Variants in KIAA1217 observed in about 807,000 individuals in gnomAD.
The protein encoded by KIAA1217 is sickle tail protein homolog.
Under a neutral mutation model 163.9 loss-of-function variants are expected in KIAA1217, and 88 were observed. That is an observed-to-expected ratio of 0.54 (90% CI 0.45 to 0.64). KIAA1217 has a LOEUF of 0.64. Among genes scored for constraint, KIAA1217 ranks in the 30% least tolerant of loss-of-function variants. The pLI is 0.00. For synonymous variants in KIAA1217, 903 were observed against 923.1 expected, an observed-to-expected ratio of 0.98 and a Z score of 0.39; for missense variants, 2,372 against 2,475.0, an observed-to-expected ratio of 0.96 and a Z score of 0.88.
intron 1 of KIAA1217, among the ~76,000 whole-genome samples, chr10:23,737,930 A>G (rs1372974151): frequency 1.3e-5 from 2 of 152,030 alleles, no homozygotes; most frequent in African/African-American, 4.8e-5. Flanking sequence ...TGGCAAATTT[A>G]TAAGACTTTT....
chr10:24,208,231 A>C (rs1271285371), upstream of KIAA1217, among the ~76,000 whole-genome samples: 1 of 152,004 alleles, frequency 6.6e-6, no homozygotes, highest in Non-Finnish European at 1.5e-5. Context: ...AGGTGGTTTA[A>C]AAGGAGAAGT....
At chr10:23,778,843 A>C (rs1273566691) in intron 1 of KIAA1217, among the ~76,000 whole-genome samples, 4 of 152,196 alleles carry the variant, frequency 2.6e-5, no homozygotes, top group African/African-American at 9.7e-5. Flanking sequence ...GAGTCAATGT[A>C]ACATTTTTAT....
At chr10:24,233,759 C>T (rs1433029230) in intron 2 of KIAA1217, among the ~76,000 whole-genome samples, 1 of 152,202 alleles carries the variant, frequency 6.6e-6, no homozygotes, top group Non-Finnish European at 1.5e-5. Context: ...ATTCTATGCA[C>T]ATACATACGC....
chr10:23,857,699 G>C (rs757048836), intron 1 of KIAA1217, among the ~76,000 whole-genome samples: 2 of 152,074 alleles, frequency 1.3e-5, no homozygotes, highest in Non-Finnish European at 2.9e-5. Context: ...AAGAATTTCT[G>C]TGAGTGGAGT....
At chr10:24,223,219 A>G (rs1232502000) in intron 2 of KIAA1217, among the ~76,000 whole-genome samples, 1 of 152,068 alleles carries the variant, frequency 6.6e-6, no homozygotes, top group African/African-American at 2.4e-5. Flanking sequence ...CATTTTACCT[A>G]GCTCCTATTT....
rs779603033 is a variant in KIAA1217, at chr10:24,544,308, A to G, written c.5038A>G (p.Ile1680Val). 6.2e-7 allele frequency: 1 copy of G among 1,614,094 alleles called. No individual in the cohort carries two copies. The highest frequency in any genetic ancestry group is 1.1e-5 in the South Asian group (1 of 91,074). The change falls in exon 19 of 21, where the codon ATC becomes GTC. Residue 1680 changes from isoleucine (I) to valine (V), a missense_variant. This residue lies in a region of KIAA1217 where 690 missense variants were observed against 677.5 expected (regional missense o/e 1.02). Coordinates refer to ENST00000376454, the MANE Select transcript of KIAA1217 (RefSeq NM_019590.5). Reference sequence around the variant, plus strand: ...GACCATTAAACAGCTCGAAAATACAATCAGTGAAATGAGTCCCAAAGCCCT... The same window carrying G: ...GACCATTAAACAGCTCGAAAATACAGTCAGTGAAATGAGTCCCAAAGCCCT... ...EQTIKQLENT[I>V]SEMSPKALVD... is the part of the protein sequence containing the mutation.
In KIAA1217 at chr10:24,209,139, G is replaced by A; in HGVS notation, c.-55G>A. The A allele has an allele frequency of 6.4e-7, 1 of 1,560,418 alleles. No individual in the cohort carries two copies. Among genetic ancestry groups the A allele is most frequent in the Non-Finnish European group, 8.8e-7 (1 of 1,132,974 alleles). On this transcript the variant is annotated 5_prime_UTR_variant, in exon 1 of 21. Transcript: ENST00000376454. ...CCCAGGCGCTTTCTGGGAGCTTTTA[G>A]AACTGCGCTCTGAAGTTTCCAGAGA... is the stretch of plus-strand genomic sequence containing the variant.
chr10:24,064,589 G>C (rs2060863282), intron 2 of KIAA1217, among the ~76,000 whole-genome samples: 1 of 152,046 alleles, frequency 6.6e-6, no homozygotes. Context: ...CAAGGATATT[G>C]GTCTAAAACT....
intron 1 of KIAA1217, among the ~76,000 whole-genome samples, chr10:23,857,351 G>A (rs1020586699): frequency 2.0e-5 from 3 of 152,130 alleles, no homozygotes; most frequent in Admixed American, 2.0e-4. Flanking sequence ...TTGTTCATTA[G>A]AGAGAAAAAG....
rs577558386 is a variant in KIAA1217 at position 23,757,410 on chromosome 10, A to C, written c.-321+62176A>C. Among the ~76,000 whole-genome samples the C allele has an allele frequency of 3.4e-4, 52 of 152,226 alleles. No homozygotes were observed. The South Asian group carries it at 5.4e-3, about 16-fold the overall frequency. ...ATTTTTTATATTTTGTTCTTAATTA[A>C]AAAAAATTATAGCAGCCATCCTTAT... On this transcript the variant is annotated intron_variant, in intron 1 of 18. Coordinates refer to the KIAA1217 transcript ENST00000376462.
At chr10:23,858,577 A>G (rs1221544979) in intron 1 of KIAA1217, among the ~76,000 whole-genome samples, 3 of 152,076 alleles carry the variant, frequency 2.0e-5, no homozygotes, top group Non-Finnish European at 4.4e-5. Context: ...TTTGAAAAAA[A>G]CAACTTGAAT....
chr10:24,527,137 G>A (rs1165791350), intron 13 of KIAA1217, among the ~76,000 whole-genome samples: 1 of 151,882 alleles, frequency 6.6e-6, no homozygotes, highest in Non-Finnish European at 1.5e-5. Context: ...GAGTTTACAG[G>A]TCATCTAAAT....
intron 3 of KIAA1217, among the ~76,000 whole-genome samples, chr10:24,426,848 T>A (rs1249283044): frequency 6.6e-6 from 1 of 152,156 alleles, no homozygotes; most frequent in Non-Finnish European, 1.5e-5. Flanking sequence ...TGCGGTGCCC[T>A]AGCAAAGTGG....
rs1564422730 is a variant in KIAA1217 at position 23,790,320 on chromosome 10, C to CACATATGCATATATGCATATAT, written c.-321+95115_-321+95136dup. Among the ~76,000 whole-genome samples the CACATATGCATATATGCATATAT allele has an allele frequency of 1.1e-3, 11 of 9,980 alleles. 1 individual carries two copies. Among genetic ancestry groups the CACATATGCATATATGCATATAT allele is most frequent in the Non-Finnish European group, 2.2e-3 (7 of 3,222 alleles). The allele number at this position is 9,980 out of a possible 152,430, so 6.5% of individuals were successfully genotyped here. On this transcript the variant is annotated intron_variant, in intron 1 of 18. Transcript: ENST00000376462. ...ATGCACATATGCATATATACATATGCACATATGCATATATGCATATATACA... is the reference window on the plus strand; with the variant it reads ...ATGCACATATGCATATATACATATGCACATATGCATATATGCATATATACATATGCATATATGCATATATACA...
intron 6 of KIAA1217, chr10:24,482,093 C>A (rs2064785366): frequency 6.6e-6 from 1 of 152,174 alleles, no homozygotes; most frequent in African/African-American, 2.4e-5. Context: ...ACTTGATAAA[C>A]ATACTAGACC....
intron 2 of KIAA1217, among the ~76,000 whole-genome samples, chr10:24,322,109 T>C (rs1310814060): frequency 6.6e-6 from 1 of 152,050 alleles, no homozygotes. Context: ...CTATCACACC[T>C]GACTAATTAT....
intron 2 of KIAA1217, among the ~76,000 whole-genome samples, chr10:24,317,257 C>T (rs755055963): frequency 2.0e-5 from 3 of 151,788 alleles, no homozygotes; most frequent in East Asian, 1.9e-4. Context: ...GTCTTTTGTC[C>T]GCATTTAATT....
intron 1 of KIAA1217, among the ~76,000 whole-genome samples, chr10:23,788,350 G>A (rs1225805627): frequency 1.3e-5 from 2 of 152,154 alleles, no homozygotes; most frequent in Non-Finnish European, 2.9e-5. Flanking sequence ...ACCTTTATTT[G>A]CCAAGGAGTT....
chr10:24,288,846 A>C lies in KIAA1217; in HGVS notation c.354+68937A>C, dbSNP rs551178982. On this transcript the variant is annotated intron_variant, in intron 2 of 20. Transcript: ENST00000376454. Reference sequence around the variant, plus strand: ...GTACCTGGTTAAGATGTTTGGACTTAATCCTGTAGGCACTGGGAAGCAACT... The same window carrying C: ...GTACCTGGTTAAGATGTTTGGACTTCATCCTGTAGGCACTGGGAAGCAACT... 3.9e-4 allele frequency among the ~76,000 whole-genome samples: 60 copies of C among 152,312 alleles called. 1 individual carries two copies. The highest frequency in any genetic ancestry group is 1.1e-3 in the African/African-American group (45 of 41,576).
Sources: gnomAD v4.1 joint callset for allele counts (sites outside exome capture counted in the v4.1 genomes callset) on GRCh38, gnomAD v4.1.1 for gene constraint, gnomAD v4.1.1 regional missense constraint, MANE v1.5 for transcripts, NCBI Gene and HGNC (gene_info 2026-07-23, HGNC 2026-07-21) for gene names.